The following PLA2G4C variants were observed in gnomAD, a reference collection of about 807,000 sequenced individuals.
The protein encoded by PLA2G4C is phospholipase A2 group IVC, also known as cytosolic phospholipase A2 gamma.
Under a neutral mutation model 73.8 loss-of-function variants are expected in PLA2G4C, and 64 were observed. The ratio of observed to expected loss-of-function variants is 0.87; its 90% CI spans 0.71 to 1.07. PLA2G4C has a LOEUF of 1.07. Among genes scored for constraint, PLA2G4C ranks in the 50% least tolerant of loss-of-function variants. PLA2G4C has a pLI of 0.00. For synonymous variants in PLA2G4C, 254 were observed against 252.1 expected (o/e 1.01, Z -0.07); for missense variants, 622 against 665.4 (o/e 0.93, Z 0.72).
In PLA2G4C at chr19:48,095,454, C is replaced by T; in HGVS notation, c.709+10G>A. Reference sequence around the variant, plus strand: ...ACCCCCTTTTAATCCCCTCTGACCCCAGCGCTGACCTCTCAGGAAAGTCAG... The same window carrying T: ...ACCCCCTTTTAATCCCCTCTGACCCTAGCGCTGACCTCTCAGGAAAGTCAG... On this transcript the variant is annotated intron_variant, in intron 7 of 16. Coordinates refer to ENST00000599921, the MANE Select transcript of PLA2G4C (RefSeq NM_003706.3). The T allele has an allele frequency of 6.2e-7, 1 of 1,613,854 alleles. No individual in the cohort carries two copies. The highest frequency in any genetic ancestry group is 8.5e-7 in the Non-Finnish European group (1 of 1,179,850).
chr19:48,069,967 G>A (rs898742672), intron 12 of PLA2G4C, among the ~76,000 whole-genome samples: 6 of 151,884 alleles, frequency 4.0e-5, no homozygotes, highest in African/African-American at 1.2e-4. Flanking sequence ...ACGGGGTTTC[G>A]CTATGTTGGT....
At position 48,072,450 on chromosome 19, in the gene PLA2G4C, G is replaced by A. The variant is rs1185546371; in HGVS notation, c.1006+2317C>T. ...CATCTCTCTCCATTACCCACCGGAGGGGTAAACCCAAGCCTCTCATCTGCC... is the reference window on the plus strand; with the variant it reads ...CATCTCTCTCCATTACCCACCGGAGAGGTAAACCCAAGCCTCTCATCTGCC... On this transcript the variant is annotated intron_variant, in intron 12 of 16. Transcript: ENST00000599921. This position sits in a 1 kb window ranked among gnomAD's most constrained non-coding sequence, Gnocchi z 4.4. The A allele has an allele frequency of 6.6e-6, 1 of 152,176 alleles. No individual in the cohort carries two copies. The highest frequency in any genetic ancestry group is 1.5e-5 in the Non-Finnish European group (1 of 68,038). 9.4% of individuals were successfully genotyped at this position (152,176 alleles called of 1,614,324 possible). A position where few individuals can be genotyped will look rare whatever the true frequency, so the allele number is the denominator to read the frequency against.
rs1319013941 is a variant in PLA2G4C, at chr19:48,072,504, T to A, written c.1006+2263A>T. 6.6e-6 allele frequency: 1 copy of A among 152,212 alleles called. No homozygotes were observed. Among genetic ancestry groups the A allele is most frequent in the Non-Finnish European group, 1.5e-5 (1 of 68,040 alleles). 9.4% of individuals were successfully genotyped at this position (152,212 alleles called of 1,614,324 possible). A position where few individuals can be genotyped will look rare whatever the true frequency, so the allele number is the denominator to read the frequency against. ...CTGAAGTCAGTAGATGAACTCTGGC[T>A]GACTTTCCCCACATTTCCACTTGGT... is the stretch of plus-strand genomic sequence containing the variant. On this transcript the variant is annotated intron_variant, in intron 12 of 16. Coordinates refer to ENST00000599921, the MANE Select transcript of PLA2G4C (RefSeq NM_003706.3). This position sits in a 1 kb window ranked among gnomAD's most constrained non-coding sequence, Gnocchi z 4.4.
At chr19:48,105,888 TC>T (rs2032176418) in intron 2 of PLA2G4C, among the ~76,000 whole-genome samples, 4 of 614 alleles carry the variant, frequency 6.5e-3, no homozygotes, top group African/African-American at 0.042. Flanking sequence ...CCTCCTTCTT[TC>T]CCTCCCTCCC....
At chr19:48,062,330 G>A (rs3826830) in intron 13 of PLA2G4C, 178 bp from the exon 14 acceptor site, 189,340 of 529,922 alleles carry the variant, frequency 0.36, 37,656 homozygotes, top group East Asian at 0.64. Context: ...TGAAGCCCTG[G>A]CTGGGTGCGG....
rs761682021 is a variant in PLA2G4C at position 48,067,868 on chromosome 19, A to C, written c.1025T>G (p.Met342Arg). ...PERKGSLSNL[M>R]DFVKKTGICA... Reference sequence around the variant, plus strand: ...AATGCCTGTTTTCTTCACAAAATCCATCAAGTTACTGAGTGAGCCTAGGGA... The same window carrying C: ...AATGCCTGTTTTCTTCACAAAATCCCTCAAGTTACTGAGTGAGCCTAGGGA... Residue 342 changes from methionine (M) to arginine (R), a missense_variant, in exon 13 of 17, where the codon ATG becomes AGG. Coordinates refer to ENST00000599921, the MANE Select transcript of PLA2G4C (RefSeq NM_003706.3). 6.2e-7 allele frequency: 1 copy of C among 1,613,302 alleles called. No individual in the cohort carries two copies. The highest frequency in any genetic ancestry group is 8.5e-7 in the Non-Finnish European group (1 of 1,179,372).
intron 12 of PLA2G4C, among the ~76,000 whole-genome samples, chr19:48,069,561 GC>G (rs199548047): frequency 0.012 from 1,788 of 152,130 alleles, 144 homozygotes; most frequent in Admixed American, 0.11. Flanking sequence ...AGTACCTTAT[GC>G]AGCATCTTTT....
At chr19:48,050,258 AT>A (rs1424864250) in intron 16 of PLA2G4C, among the ~76,000 whole-genome samples, 2 of 152,080 alleles carry the variant, frequency 1.3e-5, no homozygotes, top group Admixed American at 6.6e-5. Flanking sequence ...GCAAACTAAT[AT>A]ACAACCCCTC....
In PLA2G4C at chr19:48,085,103, C is replaced by T. The variant is rs753489261; in HGVS notation, c.800G>A (p.Arg267Lys). 36 of 1,610,306 alleles carry T rather than the reference C, an allele frequency of 2.2e-5. 1 individual carries two copies. Among genetic ancestry groups the T allele is most frequent in the Non-Finnish European group, 2.1e-5 (25 of 1,176,636 alleles). ...LRNLTLKGLW[R>K]RAVANAKSIG... ...GCTTTTAGCATTAGCAACAGCCCTT[C>T]TCCATAAACCTGCCAAGAAAATAGC... Residue 267 changes from arginine (R) to lysine (K), a missense_variant, in exon 10 of 17, where the codon AGA (arginine) becomes AAA (lysine). Physicochemically the swap from Arg to Lys is conservative, Grantham distance 26 (BLOSUM62 2). Transcript: ENST00000599921.
chr19:48,104,578 T>A lies in PLA2G4C; in HGVS notation c.257+10A>T. On this transcript the variant is annotated intron_variant, in intron 4 of 16. Transcript: ENST00000599921. ...GTCAGAAAGCAATCTGAAACATGAG[T>A]GATGCTTACCAAGTGGATCCAGAGA... 1 of 1,612,972 alleles carries A rather than the reference T, an allele frequency of 6.2e-7. No individual in the cohort carries two copies. The highest frequency in any genetic ancestry group is 8.5e-7 in the Non-Finnish European group (1 of 1,179,458).
chr19:48,110,725 G>A lies in PLA2G4C; in HGVS notation c.-271C>T. On this transcript the variant is annotated 5_prime_UTR_variant, in exon 1 of 17. Coordinates refer to ENST00000599921, the MANE Select transcript of PLA2G4C (RefSeq NM_003706.3). ...TGGAGGTGTTTCCTCCTGGTCCTGA[G>A]CAGGGCCAACCTGGAGGTAAAATGG... is the stretch of plus-strand genomic sequence containing the variant. 1 of 457,328 alleles carries A rather than the reference G, an allele frequency of 2.2e-6. No individual in the cohort carries two copies. Among genetic ancestry groups the A allele is most frequent in the East Asian group, 3.7e-5 (1 of 27,104 alleles). 28.3% of individuals were successfully genotyped at this position (457,328 alleles called of 1,614,324 possible).
chr19:48,061,820 T>G, intron 14 of PLA2G4C, 178 bp downstream of exon 14: 1 of 650,540 alleles, frequency 1.5e-6, no homozygotes, highest in South Asian at 1.8e-5. Context: ...GTTCGTTGGA[T>G]GTGGCCGACC....
intron 14 of PLA2G4C, among the ~76,000 whole-genome samples, chr19:48,060,888 T>C (rs991089071): frequency 2.6e-5 from 4 of 152,158 alleles, no homozygotes; most frequent in Non-Finnish European, 5.9e-5. Flanking sequence ...TATATTACAT[T>C]ACACATAAAT....
rs2029912729 is a variant in PLA2G4C at position 48,073,207 on chromosome 19, A to C, written c.1006+1560T>G. Among the ~76,000 whole-genome samples the C allele has an allele frequency of 2.6e-5, 4 of 152,178 alleles. No homozygotes were observed. In the South Asian group the frequency reaches 8.3e-4, roughly 32 times the overall value. The stretch of plus-strand genomic sequence containing the variant: ...ACCATGGGAACGCACTACCATGTCC[A>C]GCTAATTTTTTACAAAAAATTTTGT... On this transcript the variant is annotated intron_variant, in intron 12 of 16. Coordinates refer to ENST00000599921, the MANE Select transcript of PLA2G4C (RefSeq NM_003706.3).
rs1463218245 is a variant in PLA2G4C, at chr19:48,098,110, C to T, written c.568+29G>A. 2.5e-6 allele frequency: 4 copies of T among 1,607,102 alleles called. No individual in the cohort carries two copies. In the Admixed American group the frequency reaches 5.0e-5, roughly 20 times the overall value. On this transcript the variant is annotated intron_variant, in intron 6 of 16. Transcript: ENST00000599921. ...CTCCGTGCTGTTCCATCCCTTACTA[C>T]CTCTCCCTCCCTCTAAATGTTTGCT... is the stretch of plus-strand genomic sequence containing the variant.
intron 4 of PLA2G4C, among the ~76,000 whole-genome samples, chr19:48,101,595 TG>T (rs1327952531): frequency 3.3e-5 from 5 of 152,114 alleles, no homozygotes; most frequent in African/African-American, 1.2e-4. Flanking sequence ...ATTTAAACAC[TG>T]GTACTCCATT....
At chr19:48,097,244 C>CGT (rs1568449148) in intron 6 of PLA2G4C, 3 of 66,634 alleles carry the variant, frequency 4.5e-5, no homozygotes, top group African/African-American at 2.1e-4. Flanking sequence ...TTACTTTTTT[C>CGT]TTTTTTCTTT....
At position 48,062,246 on chromosome 19, in the gene PLA2G4C, C is replaced by T. The variant is rs78919896; in HGVS notation, c.1103-94G>A. The T allele has an allele frequency of 1.9e-4, 217 of 1,133,346 alleles. No homozygotes were observed. In the East Asian group the frequency reaches 4.4e-3, roughly 23 times the overall value. The allele number at this position is 1,133,346 out of a possible 1,614,324, so 70.2% of individuals were successfully genotyped here. A position where few individuals can be genotyped will look rare whatever the true frequency, so the allele number is the denominator to read the frequency against. ...GCAGAGAGGGGGATGGGAAAATGAT[C>T]GTTGTCAGTGTAGACAGCAGTTGTG... On this transcript the variant is annotated intron_variant, in intron 13 of 16. Coordinates refer to ENST00000599921, the MANE Select transcript of PLA2G4C (RefSeq NM_003706.3).
At chr19:48,067,668 C>T in intron 13 of PLA2G4C, 123 bp downstream of exon 13, 1 of 733,510 alleles carries the variant, frequency 1.4e-6, no homozygotes, top group East Asian at 2.5e-5. Flanking sequence ...CCTTTGACAC[C>T]ACCCCCCTCC....
Sources: gnomAD v4.1 joint callset for allele counts (sites outside exome capture counted in the v4.1 genomes callset) on GRCh38, gnomAD v4.1.1 for gene constraint, Gnocchi (gnomAD v3.1) non-coding constraint, MANE v1.5 for transcripts, NCBI Gene and HGNC (gene_info 2026-07-23, HGNC 2026-07-21) for gene names.